FAM171A1: variants seen among roughly 807,000 people sequenced by gnomAD.
The protein encoded by FAM171A1 is family with sequence similarity 171 member A1, also known as protein FAM171A1.
FAM171A1 carries 23 observed loss-of-function variants against 74.9 expected under a neutral mutation model. The observed-to-expected ratio is 0.31, with a 90% CI of 0.22 to 0.44. FAM171A1 has a LOEUF of 0.44. Ranked by LOEUF, FAM171A1 falls within the 20% of genes least tolerant of loss-of-function variation. The pLI is 1.00. For missense variants in FAM171A1, 1,162 were observed against 1,159.2 expected (o/e 1.00, Z -0.03); for synonymous variants, 527 against 505.7 (o/e 1.04, Z -0.57).
chr10:15,250,223 G>A (rs543268795), intron 4 of FAM171A1, among the ~76,000 whole-genome samples: 6 of 152,288 alleles, frequency 3.9e-5, no homozygotes, highest in Admixed American at 1.3e-4. Flanking sequence ...TGGAGATTTC[G>A]TGGAAAGATC....
chr10:15,320,451 T>G (rs150235054), intron 1 of FAM171A1, among the ~76,000 whole-genome samples: 2 of 152,360 alleles, frequency 1.3e-5, no homozygotes, highest in Admixed American at 1.3e-4. Flanking sequence ...TGTCTCTTTA[T>G]GGCAGAACGA....
intron 4 of FAM171A1, among the ~76,000 whole-genome samples, chr10:15,253,127 C>A (rs1375697837): frequency 2.0e-5 from 3 of 152,180 alleles, no homozygotes; most frequent in Admixed American, 2.0e-4. Flanking sequence ...CCTCAGCTTC[C>A]TGAGTAGCTA....
At chr10:15,295,049 G>A (rs1835144633) in intron 1 of FAM171A1, among the ~76,000 whole-genome samples, 1 of 152,080 alleles carries the variant, frequency 6.6e-6, no homozygotes, top group Admixed American at 6.6e-5. Flanking sequence ...CTAAGTAACT[G>A]GGATTACAGG....
chr10:15,359,681 C>A (rs1341826315), intron 1 of FAM171A1, among the ~76,000 whole-genome samples: 2 of 152,106 alleles, frequency 1.3e-5, no homozygotes, highest in Non-Finnish European at 2.9e-5. Flanking sequence ...CTGAATGAGC[C>A]CCTAGAAGCA....
At chr10:15,286,689 G>A (rs1835038827) in intron 1 of FAM171A1, among the ~76,000 whole-genome samples, 1 of 152,194 alleles carries the variant, frequency 6.6e-6, no homozygotes, top group African/African-American at 2.4e-5. Context: ...TTGCCAACTA[G>A]CTGTCTCATG....
intron 1 of FAM171A1, among the ~76,000 whole-genome samples, chr10:15,287,798 C>A (rs1045511991): frequency 3.3e-5 from 5 of 152,094 alleles, no homozygotes; most frequent in African/African-American, 1.2e-4. Flanking sequence ...TTTAGGGGAA[C>A]AGGTGGTGTT....
intron 1 of FAM171A1, among the ~76,000 whole-genome samples, chr10:15,300,809 A>C (rs1835219319): frequency 6.6e-6 from 1 of 152,072 alleles, no homozygotes; most frequent in Non-Finnish European, 1.5e-5. Context: ...TCTCAAGGGT[A>C]CAGTGCTTCC....
At chr10:15,261,607 G>A (rs927995370) in intron 3 of FAM171A1, among the ~76,000 whole-genome samples, 6 of 152,232 alleles carry the variant, frequency 3.9e-5, no homozygotes, top group African/African-American at 9.6e-5. Flanking sequence ...AACTTCAAGA[G>A]AGAGAGTGGC....
At chr10:15,273,150 C>T (rs1407411581) in intron 3 of FAM171A1, among the ~76,000 whole-genome samples, 1 of 151,800 alleles carries the variant, frequency 6.6e-6, no homozygotes, top group African/African-American at 2.4e-5. Flanking sequence ...ACTAGCAAGA[C>T]TAATAAAGAA....
At chr10:15,315,314 C>T (rs1265609647) in intron 1 of FAM171A1, among the ~76,000 whole-genome samples, 2 of 152,156 alleles carry the variant, frequency 1.3e-5, no homozygotes, top group Admixed American at 1.3e-4. Flanking sequence ...TCGGTTTCTC[C>T]CATCTGCAAA....
At chr10:15,312,720 G>A (rs189943008) in intron 1 of FAM171A1, among the ~76,000 whole-genome samples, 47 of 25,658 alleles carry the variant, frequency 1.8e-3, no homozygotes, top group Middle Eastern at 0.026. Flanking sequence ...TTTTTGAGAC[G>A]ATATTTTGCT....
intron 1 of FAM171A1, among the ~76,000 whole-genome samples, chr10:15,312,783 C>T (rs1835379746): frequency 7.1e-6 from 1 of 141,306 alleles, no homozygotes; most frequent in African/African-American, 2.6e-5. Context: ...CTGCAAACTC[C>T]GCCTCCGAGG....
At chr10:15,267,137 G>A (rs1249761475) in intron 3 of FAM171A1, among the ~76,000 whole-genome samples, 1 of 152,172 alleles carries the variant, frequency 6.6e-6, no homozygotes, top group Non-Finnish European at 1.5e-5. Context: ...ACCCCACAGG[G>A]GGGCTACTGC....
intron 2 of FAM171A1, among the ~76,000 whole-genome samples, chr10:15,283,360 A>C (rs1834994088): frequency 6.6e-6 from 1 of 152,088 alleles, no homozygotes; most frequent in Non-Finnish European, 1.5e-5. Flanking sequence ...CCTGCTTAAT[A>C]TCTCTCAGGT....
chr10:15,309,771 A>T lies in FAM171A1; in HGVS notation c.98-25666T>A, dbSNP rs1013437759. Among the ~76,000 whole-genome samples, 11 of 152,222 alleles carry T rather than the reference A, an allele frequency of 7.2e-5. No homozygotes were observed. The East Asian group carries it at 1.9e-3, about 27-fold the overall frequency. On this transcript the variant is annotated intron_variant, in intron 1 of 7. Transcript: ENST00000378116. ...GACTTGCAGGAAATCTGCATTTTCT[A>T]TGCCTTCTTTTCTCCAATGTGAAAA...
chr10:15,295,096 T>C (rs559900632), intron 1 of FAM171A1, among the ~76,000 whole-genome samples: 1 of 152,118 alleles, frequency 6.6e-6, no homozygotes, highest in African/African-American at 2.4e-5. Context: ...ATTTTTTATT[T>C]ATTTTTATTT....
chr10:15,277,353 G>A (rs760787603), intron 2 of FAM171A1, among the ~76,000 whole-genome samples: 30 of 152,006 alleles, frequency 2.0e-4, no homozygotes, highest in Non-Finnish European at 3.2e-4. Flanking sequence ...GAATAGCTGG[G>A]ATTACAGGCA....
chr10:15,261,844 G>T (rs187430266), intron 3 of FAM171A1, among the ~76,000 whole-genome samples: 52 of 152,288 alleles, frequency 3.4e-4, no homozygotes, highest in African/African-American at 1.3e-3. Flanking sequence ...GGGGCCGGGT[G>T]TGGTGGCTCA....
intron 1 of FAM171A1, among the ~76,000 whole-genome samples, chr10:15,342,888 G>A (rs927099051): frequency 6.6e-6 from 1 of 152,218 alleles, no homozygotes; most frequent in South Asian, 2.1e-4. Flanking sequence ...GAAAGTATCT[G>A]GAAGACCGAC....
Sources: allele counts gnomAD v4.1 joint callset (sites outside exome capture counted in the v4.1 genomes callset), GRCh38; gene constraint gnomAD v4.1.1; transcripts MANE v1.5; gene names NCBI Gene and HGNC (gene_info 2026-07-23, HGNC 2026-07-21).